Variants in RPAP2 observed in about 807,000 individuals in gnomAD.
RPAP2 encodes the protein putative RNA polymerase II subunit B1 CTD phosphatase RPAP2.
RPAP2 carries 52 observed loss-of-function variants against 73.1 expected under a neutral mutation model. The ratio of observed to expected loss-of-function variants is 0.71; its 90% CI spans 0.57 to 0.90. The LOEUF (loss-of-function observed/expected upper bound fraction) is 0.90. RPAP2 is among the 40% of genes least tolerant of loss of function. The pLI, the probability that RPAP2 is intolerant of heterozygous loss-of-function variation, is 0.00. For missense variants in RPAP2, 598 were observed against 701.8 expected (o/e 0.85, Z 1.67); for synonymous variants, 225 against 242.1 (o/e 0.93, Z 0.65).
At chr1:92,343,169 T>C (rs1184503110) in intron 10 of RPAP2, among the ~76,000 whole-genome samples, 1 of 151,600 alleles carries the variant, frequency 6.6e-6, no homozygotes, top group Non-Finnish European at 1.5e-5. Flanking sequence ...TCATGAGAGG[T>C]GGGGGAACCA....
intron 11 of RPAP2, among the ~76,000 whole-genome samples, chr1:92,355,327 A>G (rs1193301492): frequency 2.0e-5 from 3 of 152,080 alleles, no homozygotes; most frequent in African/African-American, 7.2e-5. Flanking sequence ...TTCATTGACT[A>G]TTGTTGGCAG....
At chr1:92,333,710 G>GT (rs1170734097) in intron 9 of RPAP2, among the ~76,000 whole-genome samples, 2 of 152,154 alleles carry the variant, frequency 1.3e-5, no homozygotes, top group African/African-American at 4.8e-5. Context: ...GAGATTGTGG[G>GT]TTTAGAAGAC....
chr1:92,317,895 G>T (rs191455355), intron 6 of RPAP2, among the ~76,000 whole-genome samples: 4 of 152,092 alleles, frequency 2.6e-5, no homozygotes, highest in Non-Finnish European at 5.9e-5. Flanking sequence ...ATTACCATTT[G>T]ATTGAGCTAC....
At chr1:92,378,188 C>T (rs1014808919) in intron 11 of RPAP2, among the ~76,000 whole-genome samples, 14 of 143,156 alleles carry the variant, frequency 9.8e-5, no homozygotes, top group East Asian at 1.9e-4. Context: ...TTTATTTATT[C>T]ATTCATTCAT....
chr1:92,336,302 C>G, intron 9 of RPAP2, 45 bp from the exon 10 acceptor site: 2 of 1,380,570 alleles, frequency 1.4e-6, no homozygotes, highest in East Asian at 2.4e-5. Flanking sequence ...AAAAAAGTTT[C>G]CATATAATTT....
chr1:92,319,259 T>C (rs986036238), intron 6 of RPAP2, among the ~76,000 whole-genome samples: 11 of 152,208 alleles, frequency 7.2e-5, no homozygotes, highest in African/African-American at 2.7e-4. Context: ...TAACACATAT[T>C]GTCTTGAATA....
At chr1:92,371,311 AAAAAAAAAAT>A (rs1423062498) in intron 11 of RPAP2, among the ~76,000 whole-genome samples, 2 of 78,286 alleles carry the variant, frequency 2.6e-5, no homozygotes, top group East Asian at 2.9e-3. Context: ...TCTCAAAAAA[AAAAAAAAAAT>A]ATATATATAT....
At chr1:92,339,916 G>T (rs1262908414) in intron 10 of RPAP2, among the ~76,000 whole-genome samples, 5 of 152,006 alleles carry the variant, frequency 3.3e-5, no homozygotes, top group African/African-American at 1.2e-4. Flanking sequence ...TCTGAGATTT[G>T]CTTCAAAATT....
chr1:92,332,757 G>T (rs2101225241), intron 8 of RPAP2, among the ~76,000 whole-genome samples: 1 of 152,214 alleles, frequency 6.6e-6, no homozygotes, highest in East Asian at 1.9e-4. Context: ...CTGCCTTCTT[G>T]AAGGATACCC....
At chr1:92,328,738 A>G (rs1652787691) in intron 8 of RPAP2, among the ~76,000 whole-genome samples, 1 of 152,174 alleles carries the variant, frequency 6.6e-6, no homozygotes, top group South Asian at 2.1e-4. Context: ...TCATATTACT[A>G]GAATTGTTTT....
At chr1:92,309,976 T>C (rs1651494257) in intron 6 of RPAP2, among the ~76,000 whole-genome samples, 1 of 152,216 alleles carries the variant, frequency 6.6e-6, no homozygotes, top group Non-Finnish European at 1.5e-5. Context: ...AGAATCATAA[T>C]TAAAAGAGCT....
At chr1:92,339,763 C>T (rs758956527) in intron 10 of RPAP2, among the ~76,000 whole-genome samples, 1 of 152,050 alleles carries the variant, frequency 6.6e-6, no homozygotes, top group Non-Finnish European at 1.5e-5. Flanking sequence ...TGTCTGTAAT[C>T]CCAGCACTGC....
At chr1:92,363,870 G>GTAATA (rs1178812737) in intron 11 of RPAP2, 1 of 171,140 alleles carries the variant, frequency 5.8e-6, no homozygotes, top group Non-Finnish European at 1.3e-5. Flanking sequence ...TATGCATTAT[G>GTAATA]TAATATTTAT....
chr1:92,326,753 C>A (rs1652656432), intron 8 of RPAP2, among the ~76,000 whole-genome samples: 1 of 152,192 alleles, frequency 6.6e-6, no homozygotes, highest in South Asian at 2.1e-4. Flanking sequence ...TGGTGGCAGG[C>A]CTCACCCAGC....
Position 92,367,987 on chromosome 1 carries a change from T to G in RPAP2, c.1689-12737T>G, listed in dbSNP as rs562882282. On this transcript the variant is annotated intron_variant, in intron 11 of 12. Coordinates refer to ENST00000610020, the MANE Select transcript of RPAP2 (RefSeq NM_024813.3). Reference sequence around the variant, plus strand: ...TGCTATATCATTTTAGGAAGGTGCCTGATGTGATCTTCACACGTATCACCT... The same window carrying G: ...TGCTATATCATTTTAGGAAGGTGCCGGATGTGATCTTCACACGTATCACCT... 1.3e-4 allele frequency among the ~76,000 whole-genome samples: 20 copies of G among 152,350 alleles called. No homozygotes were observed. The East Asian group carries it at 3.9e-3, about 29-fold the overall frequency.
Position 92,324,368 on chromosome 1 carries a change from C to T in RPAP2, c.1448C>T (p.Ser483Leu). The change falls in exon 8 of 13, where the codon TCA becomes TTA. Residue 483 changes from serine (S) to leucine (L), a missense_variant. Ser to Leu is a moderately radical substitution (Grantham distance 145). Transcript: ENST00000610020. ...LGEETTKSQD[S>L]EEHDSTFPLI... ...GAAGAAACCACCAAATCACAAGACT[C>T]AGAAGAGGTATGTCTTACAGACATT... is the stretch of plus-strand genomic sequence containing the variant. 3.1e-6 allele frequency: 5 copies of T among 1,611,082 alleles called. No homozygotes were observed. The highest frequency in any genetic ancestry group is 4.2e-6 in the Non-Finnish European group (5 of 1,178,112).
At chr1:92,357,220 A>C (rs1028292699) in intron 11 of RPAP2, among the ~76,000 whole-genome samples, 4 of 152,190 alleles carry the variant, frequency 2.6e-5, no homozygotes, top group African/African-American at 9.7e-5. Flanking sequence ...AACACTTTAC[A>C]GCCTACTGGA....
intron 8 of RPAP2, among the ~76,000 whole-genome samples, chr1:92,328,357 T>A (rs935300149): frequency 6.6e-6 from 1 of 152,232 alleles, no homozygotes; most frequent in Non-Finnish European, 1.5e-5. Flanking sequence ...TTTTTTAAAT[T>A]CTTTTTTCTT....
intron 8 of RPAP2, among the ~76,000 whole-genome samples, chr1:92,331,191 A>G (rs6700072): frequency 0.013 from 2,037 of 152,314 alleles, 46 homozygotes; most frequent in African/African-American, 0.047. Context: ...TCATATCACT[A>G]TGGAGCAACC....
Sources: gnomAD v4.1 joint callset for allele counts (sites outside exome capture counted in the v4.1 genomes callset) on GRCh38, gnomAD v4.1.1 for gene constraint, MANE v1.5 for transcripts, NCBI Gene and HGNC (gene_info 2026-07-23, HGNC 2026-07-21) for gene names.